The following EBF1 variants were observed in gnomAD, a reference collection of about 807,000 sequenced individuals.
EBF1 encodes transcription factor COE1.
Under a neutral mutation model 68.4 loss-of-function variants are expected in EBF1, and 10 were observed. That is an observed-to-expected ratio of 0.15 (90% confidence interval 0.09 to 0.25). The LOEUF (loss-of-function observed/expected upper bound fraction) is 0.25. Among genes scored for constraint, EBF1 ranks in the 10% least tolerant of loss-of-function variants. The pLI is 1.00. For missense variants in EBF1, 509 were observed against 794.4 expected, an observed-to-expected ratio of 0.64 and a Z score of 4.32; for synonymous variants, 298 against 299.8, an observed-to-expected ratio of 0.99 and a Z score of 0.06.
chr5:159,033,467 G>A (rs140840864), intron 6 of EBF1, among the ~76,000 whole-genome samples: 1 of 152,248 alleles, frequency 6.6e-6, no homozygotes, highest in Non-Finnish European at 1.5e-5. Context: ...CAAAAACAAT[G>A]CTTTGAGATG....
At chr5:159,093,374 A>C (rs1338999886) in intron 4 of EBF1, among the ~76,000 whole-genome samples, 1 of 151,998 alleles carries the variant, frequency 6.6e-6, no homozygotes, top group African/African-American at 2.4e-5. Context: ...TTCTCAGGCC[A>C]CTCCCCACCA....
At chr5:158,833,632 G>A (rs1333991759) in intron 7 of EBF1, among the ~76,000 whole-genome samples, 2 of 152,176 alleles carry the variant, frequency 1.3e-5, no homozygotes, top group Admixed American at 1.3e-4. Flanking sequence ...TCTCCCATCA[G>A]AGGACTGGAT....
At chr5:158,839,344 A>G (rs1315985320) in intron 7 of EBF1, among the ~76,000 whole-genome samples, 3 of 152,134 alleles carry the variant, frequency 2.0e-5, no homozygotes, top group Admixed American at 6.5e-5. Flanking sequence ...GAGCAGTTTT[A>G]CCAGTTGTAC....
intron 15 of EBF1, among the ~76,000 whole-genome samples, chr5:158,700,885 A>G (rs560856506): frequency 4.3e-4 from 65 of 152,232 alleles, no homozygotes; most frequent in African/African-American, 1.5e-3. Flanking sequence ...ACGCAGACCA[A>G]CTTAAACCCC....
intron 6 of EBF1, among the ~76,000 whole-genome samples, chr5:158,901,574 G>A (rs975257268): frequency 2.6e-5 from 4 of 152,170 alleles, no homozygotes; most frequent in Admixed American, 6.5e-5. Context: ...AGTATTTGGC[G>A]ATAAGTTCAG....
intron 6 of EBF1, among the ~76,000 whole-genome samples, chr5:158,968,926 A>G (rs1754733040): frequency 6.6e-6 from 1 of 152,212 alleles, no homozygotes; most frequent in South Asian, 2.1e-4. Flanking sequence ...GTAAGAAAAA[A>G]AGAAAGGAAA....
At chr5:159,069,132 C>T (rs886773354) in intron 6 of EBF1, among the ~76,000 whole-genome samples, 6 of 151,854 alleles carry the variant, frequency 4.0e-5, no homozygotes, top group African/African-American at 1.5e-4. Flanking sequence ...TACATTATAT[C>T]CTTAAAAAAC....
intron 8 of EBF1, among the ~76,000 whole-genome samples, chr5:158,800,743 A>C (rs1387778217): frequency 5.3e-5 from 8 of 152,142 alleles, no homozygotes; most frequent in Non-Finnish European, 7.3e-5. Flanking sequence ...CAGAGGGGAG[A>C]CAGGGAAAAA....
intron 15 of EBF1, among the ~76,000 whole-genome samples, chr5:158,701,962 T>C (rs1756862191): frequency 6.6e-6 from 1 of 152,192 alleles, no homozygotes; most frequent in South Asian, 2.1e-4. Flanking sequence ...TCATGTACCC[T>C]ACTTGGGCAA....
At position 158,880,048 on chromosome 5, in the gene EBF1, A is replaced by T. The variant is rs144242101; in HGVS notation, c.555-39938T>A. ...AATCACACAACTAATTAATGGCAAG[A>T]AGCCCAGCCAGCACAAGAAAACAGG... On this transcript the variant is annotated intron_variant, in intron 6 of 15. Transcript: ENST00000313708. Among the ~76,000 whole-genome samples, 4 of 152,358 alleles carry T rather than the reference A, an allele frequency of 2.6e-5. No homozygotes were observed. The East Asian group carries it at 7.7e-4, about 29-fold the overall frequency.
chr5:158,950,672 C>G (rs1164377337), intron 6 of EBF1, among the ~76,000 whole-genome samples: 2 of 152,182 alleles, frequency 1.3e-5, no homozygotes, highest in Non-Finnish European at 2.9e-5. Flanking sequence ...ACATTTTACT[C>G]TGGAAAAGGA....
At chr5:158,982,189 A>G (rs1758036345) in intron 6 of EBF1, among the ~76,000 whole-genome samples, 1 of 152,270 alleles carries the variant, frequency 6.6e-6, no homozygotes, top group South Asian at 2.1e-4. Context: ...ATATCTTTAG[A>G]AATCCTAGGT....
intron 7 of EBF1, among the ~76,000 whole-genome samples, chr5:158,825,059 T>C (rs1785746366): frequency 6.6e-6 from 1 of 152,180 alleles, no homozygotes; most frequent in Non-Finnish European, 1.5e-5. Flanking sequence ...ACAAATCATT[T>C]GGGGGATGAC....
intron 6 of EBF1, among the ~76,000 whole-genome samples, chr5:158,925,581 G>T (rs1326737295): frequency 6.6e-6 from 1 of 152,154 alleles, no homozygotes; most frequent in Non-Finnish European, 1.5e-5. Context: ...TGCAGGTAAA[G>T]GCTGAAGCTC....
intron 6 of EBF1, among the ~76,000 whole-genome samples, chr5:159,018,537 C>G (rs1766053289): frequency 1.3e-5 from 2 of 152,158 alleles, no homozygotes; most frequent in Admixed American, 6.5e-5. Context: ...ATTCTTTTCT[C>G]TTTTTTAATT....
intron 7 of EBF1, among the ~76,000 whole-genome samples, chr5:158,827,701 A>G (rs1033072453): frequency 1.3e-5 from 2 of 152,152 alleles, no homozygotes; most frequent in Non-Finnish European, 2.9e-5. Context: ...CAGATTTTCA[A>G]AAAGACACAA....
At chr5:158,710,453 A>G (rs1385153104) in intron 14 of EBF1, among the ~76,000 whole-genome samples, 1 of 152,182 alleles carries the variant, frequency 6.6e-6, no homozygotes, top group Non-Finnish European at 1.5e-5. Context: ...TGACTGAATA[A>G]ATGGGAGAAC....
chr5:158,880,169 G>A (rs1448281433), intron 6 of EBF1, among the ~76,000 whole-genome samples: 1 of 152,160 alleles, frequency 6.6e-6, no homozygotes, highest in Non-Finnish European at 1.5e-5. Context: ...CAAACTCTGG[G>A]TGCTCTGAGA....
chr5:158,908,752 A>C (rs1805216672), intron 6 of EBF1, among the ~76,000 whole-genome samples: 1 of 152,212 alleles, frequency 6.6e-6, no homozygotes, highest in Non-Finnish European at 1.5e-5. Context: ...AGCCAGGAAG[A>C]GGTGGCGTGA....
Sources: gnomAD v4.1 joint callset for allele counts (sites outside exome capture counted in the v4.1 genomes callset) on GRCh38, gnomAD v4.1.1 for gene constraint, MANE v1.5 for transcripts, NCBI Gene and HGNC (gene_info 2026-07-23, HGNC 2026-07-21) for gene names.